The following PDE8B variants were observed in gnomAD, a reference collection of about 807,000 sequenced individuals.
PDE8B encodes the protein high affinity cAMP-specific and IBMX-insensitive 3',5'-cyclic phosphodiesterase 8B.
A neutral mutation model predicts 101.3 loss-of-function variants in PDE8B; 26 were observed. That is an observed-to-expected ratio of 0.26 (90% CI 0.19 to 0.36). The LOEUF is 0.36. PDE8B is among the 10% of genes least tolerant of loss of function. The pLI is 1.00. For synonymous variants in PDE8B, 424 were observed against 429.3 expected (o/e 0.99, Z 0.15); for missense variants, 810 against 1,163.1 (o/e 0.70, Z 4.42).
At chr5:77,142,159 A>G in the PDE8B span, 1 of 152,220 alleles carries the variant, frequency 6.6e-6, no homozygotes, top group Admixed American at 6.5e-5. Context: ...TGGAGGTTGC[A>G]GTAAAGAACT....
At chr5:77,235,800 C>A (rs1754546011) in intron 1 of PDE8B, among the ~76,000 whole-genome samples, 1 of 148,092 alleles carries the variant, frequency 6.8e-6, no homozygotes, top group Non-Finnish European at 1.5e-5. Context: ...GTTTGAGACA[C>A]TGAGTTACAG....
chr5:77,369,293 A>G (rs1784681445), intron 10 of PDE8B, among the ~76,000 whole-genome samples: 1 of 151,490 alleles, frequency 6.6e-6, no homozygotes, highest in Non-Finnish European at 1.5e-5. Context: ...TGAGGTATTG[A>G]AGGGTGAGAT....
the PDE8B span, chr5:77,139,887 T>C: frequency 6.6e-6 from 1 of 152,230 alleles, no homozygotes; most frequent in African/African-American, 2.4e-5. Flanking sequence ...TATTTTATAA[T>C]CATCTGTGGC....
In PDE8B at chr5:77,291,191, GTT is replaced by G. The variant is rs1162980790; in HGVS notation, c.340-20801_340-20800del. ...AGAGGTGTACCACTGCGAGGCGACT[GTT>G]TGTACATGAAAGCATCCATCATGAG... On this transcript the variant is annotated intron_variant, in intron 1 of 21. Transcript: ENST00000264917. 2.1e-5 allele frequency: 34 copies of G among 1,610,752 alleles called. No homozygotes were observed. In the East Asian group the frequency reaches 7.1e-4, roughly 34 times the overall value.
chr5:77,339,017 C>G (rs1778695885), intron 6 of PDE8B, among the ~76,000 whole-genome samples: 1 of 152,118 alleles, frequency 6.6e-6, no homozygotes, highest in Admixed American at 6.5e-5. Context: ...CCATGATGAG[C>G]AGGGCAAAAG....
At chr5:77,329,166 C>A in intron 4 of PDE8B, 109 bp downstream of exon 4, 1 of 795,192 alleles carries the variant, frequency 1.3e-6, no homozygotes. Context: ...GTCTTGGGTC[C>A]TAGAACACCA....
chr5:77,300,914 G>A (rs377082396), intron 1 of PDE8B, among the ~76,000 whole-genome samples: 1 of 152,358 alleles, frequency 6.6e-6, no homozygotes, highest in East Asian at 1.9e-4. Context: ...AAAAAAGTGG[G>A]CATTTGCATT....
chr5:77,419,701 G>A, intron 18 of PDE8B, 66 bp from the exon 19 acceptor site: 2 of 1,589,450 alleles, frequency 1.3e-6, no homozygotes, highest in Non-Finnish European at 1.7e-6. Flanking sequence ...GTAGTGAAAT[G>A]GTGGCAGAAT....
chr5:77,292,717 G>A (rs976899723), intron 1 of PDE8B, among the ~76,000 whole-genome samples: 6 of 152,142 alleles, frequency 3.9e-5, no homozygotes, highest in East Asian at 3.9e-4. Context: ...TGGGATGTTC[G>A]CCTGTTTTAT....
chr5:77,355,062 G>C (rs77258090), intron 10 of PDE8B, among the ~76,000 whole-genome samples: 28,288 of 152,224 alleles, frequency 0.19, 3,314 homozygotes, highest in Middle Eastern at 0.32. Context: ...CTGGTGGCTA[G>C]CGTTAATGAA....
At chr5:77,265,755 C>G (rs1018727202) in intron 1 of PDE8B, among the ~76,000 whole-genome samples, 1 of 152,098 alleles carries the variant, frequency 6.6e-6, no homozygotes, top group Non-Finnish European at 1.5e-5. Context: ...GGTATTCTTT[C>G]AGAATTAAAT....
At chr5:77,397,487 C>T (rs1180510699) in intron 10 of PDE8B, among the ~76,000 whole-genome samples, 1 of 152,108 alleles carries the variant, frequency 6.6e-6, no homozygotes, top group Non-Finnish European at 1.5e-5. Context: ...TCTCAAATAG[C>T]TTCTCTCCCA....
the PDE8B span, chr5:77,092,434 G>T: frequency 6.6e-6 from 1 of 152,058 alleles, no homozygotes; most frequent in Non-Finnish European, 1.5e-5. Context: ...GGTAGTGGCA[G>T]TTCCCCTAAC....
chr5:77,353,514 G>T (rs1781535298), intron 10 of PDE8B, 108 bp downstream of exon 10: 1 of 771,336 alleles, frequency 1.3e-6, no homozygotes, highest in South Asian at 1.4e-5. Context: ...ATGTCTAATT[G>T]TAGCTGCCAA....
intron 6 of PDE8B, among the ~76,000 whole-genome samples, chr5:77,339,276 C>A (rs1247859083): frequency 1.3e-5 from 2 of 152,156 alleles, no homozygotes; most frequent in African/African-American, 4.8e-5. Context: ...GGCTCAAGTT[C>A]TTACTACAAA....
intron 19 of PDE8B, among the ~76,000 whole-genome samples, chr5:77,420,795 A>T (rs563322995): frequency 6.6e-6 from 1 of 152,344 alleles, no homozygotes; most frequent in East Asian, 1.9e-4. Flanking sequence ...TAGGAAGGTC[A>T]TCCACTCATG....
chr5:77,267,340 T>C (rs1032275375), intron 1 of PDE8B, among the ~76,000 whole-genome samples: 11 of 151,190 alleles, frequency 7.3e-5, no homozygotes, highest in African/African-American at 2.4e-4. Context: ...CTAAGGAGGC[T>C]GAGGCAGGAG....
intron 10 of PDE8B, among the ~76,000 whole-genome samples, chr5:77,388,824 G>A (rs961903910): frequency 6.6e-5 from 10 of 152,240 alleles, no homozygotes; most frequent in African/African-American, 1.4e-4. Context: ...ACTGAGCTGC[G>A]GTGGGCTCCA....
intron 1 of PDE8B, among the ~76,000 whole-genome samples, chr5:77,220,907 G>A (rs1173336214): frequency 6.6e-6 from 1 of 152,154 alleles, no homozygotes; most frequent in Non-Finnish European, 1.5e-5. Flanking sequence ...GGAGGCACAG[G>A]CGGCTCAAGT....
Sources: gnomAD v4.1 joint callset for allele counts (sites outside exome capture counted in the v4.1 genomes callset) on GRCh38, gnomAD v4.1.1 for gene constraint, MANE v1.5 for transcripts, NCBI Gene and HGNC (gene_info 2026-07-23, HGNC 2026-07-21) for gene names.